CRYBG1: variants seen among roughly 807,000 people sequenced by gnomAD.
CRYBG1 encodes crystallin beta-gamma domain containing 1, also known as beta/gamma crystallin domain-containing protein 1.
Under a neutral mutation model 189.2 loss-of-function variants are expected in CRYBG1, and 139 were observed. That is an observed-to-expected ratio of 0.73 (90% confidence interval 0.64 to 0.85). CRYBG1 has a LOEUF of 0.85. Among genes scored for constraint, CRYBG1 ranks in the 40% least tolerant of loss-of-function variants. The pLI is 0.00. For synonymous variants in CRYBG1, 1,023 were observed against 1,017.1 expected, an observed-to-expected ratio of 1.01 and a Z score of -0.11; for missense variants, 2,611 against 2,675.8, an observed-to-expected ratio of 0.98 and a Z score of 0.53.
intron 2 of CRYBG1, among the ~76,000 whole-genome samples, chr6:106,482,788 C>A (rs2353058): frequency 0.59 from 88,712 of 150,822 alleles, 28,666 homozygotes; most frequent in African/African-American, 0.86. Context: ...AAATAATAAT[C>A]ATAAAAAAGT....
At position 106,512,733 on chromosome 6, in the gene CRYBG1, A is replaced by T. The variant is rs1276180444; in HGVS notation, c.1616A>T (p.Glu539Val). The T allele has an allele frequency of 6.4e-7, 1 of 1,565,390 alleles. No individual in the cohort carries two copies. Among genetic ancestry groups the T allele is most frequent in the Admixed American group, 1.9e-5 (1 of 53,600 alleles). Residue 539 changes from glutamate (E) to valine (V), a missense_variant, in exon 3 of 22, where the codon GAG (glutamate) becomes GTG (valine). Glu to Val is a moderately radical substitution (Grantham distance 121). Around this residue, in one of 3 missense-constraint regions of CRYBG1, gnomAD observed 985 missense variants for 924.4 expected, o/e 1.07. Transcript: ENST00000633556. ...AGCGGCCCCCGGGCTCCCGCCAAGGAGTCCCCACCCAAGAGGGTGCCCGAT... is the reference window on the plus strand; with the variant it reads ...AGCGGCCCCCGGGCTCCCGCCAAGGTGTCCCCACCCAAGAGGGTGCCCGAT... Reference protein sequence around the residue: ...PASGPRAPAKESPPKRVPDPS... With the variant: ...PASGPRAPAKVSPPKRVPDPS...
intron 1 of CRYBG1, among the ~76,000 whole-genome samples, chr6:106,446,130 T>C (rs1313185977): frequency 1.3e-5 from 2 of 152,238 alleles, no homozygotes; most frequent in African/African-American, 4.8e-5. Context: ...CATTATCTGA[T>C]GGTATGTGTC....
In CRYBG1 at chr6:106,464,291, A is replaced by C. The variant is rs551914436; in HGVS notation, c.312+12459A>C. Among the ~76,000 whole-genome samples the C allele has an allele frequency of 3.7e-4, 57 of 152,286 alleles. 2 individuals carry two copies. The South Asian group carries it at 6.8e-3, about 18-fold the overall frequency. On this transcript the variant is annotated intron_variant, in intron 2 of 21. Transcript: ENST00000633556. ...GGGCGGATCACAAGGTCAGGAGTTCAAGACCAGCCTGACCAACATGATGAA... is the reference window on the plus strand; with the variant it reads ...GGGCGGATCACAAGGTCAGGAGTTCCAGACCAGCCTGACCAACATGATGAA...
At chr6:106,373,726 G>A (rs918631923) in intron 1 of CRYBG1, among the ~76,000 whole-genome samples, 2 of 152,270 alleles carry the variant, frequency 1.3e-5, no homozygotes, top group East Asian at 3.9e-4. Flanking sequence ...TACCAGACTG[G>A]AAATTTATAT....
chr6:106,543,864 C>T (rs1774197698), intron 11 of CRYBG1, among the ~76,000 whole-genome samples: 1 of 152,200 alleles, frequency 6.6e-6, no homozygotes, highest in African/African-American at 2.4e-5. Context: ...CCAGCCTGAC[C>T]AACATGGGGA....
At chr6:106,491,879 C>A (rs761369497) in intron 2 of CRYBG1, among the ~76,000 whole-genome samples, 2 of 152,142 alleles carry the variant, frequency 1.3e-5, no homozygotes, top group African/African-American at 2.4e-5. Context: ...TTTCCCCAAA[C>A]GAGATCAATC....
chr6:106,437,225 T>G (rs1255738587), intron 1 of CRYBG1, among the ~76,000 whole-genome samples: 1 of 152,198 alleles, frequency 6.6e-6, no homozygotes, highest in Non-Finnish European at 1.5e-5. Flanking sequence ...AAATGCTTTA[T>G]TTTTTTCATT....
chr6:106,512,160 C>G lies in CRYBG1; in HGVS notation c.1043C>G (p.Ala348Gly). 1 of 1,534,340 alleles carries G rather than the reference C, an allele frequency of 6.5e-7. No individual in the cohort carries two copies. Among genetic ancestry groups the G allele is most frequent in the Non-Finnish European group, 8.7e-7 (1 of 1,145,836 alleles). Residue 348 changes from alanine (A) to glycine (G), a missense_variant, in exon 3 of 22, where the codon GCC (alanine) becomes GGC (glycine). Physicochemically the swap from Ala to Gly is moderately conservative, Grantham distance 60 (BLOSUM62 0). Transcript: ENST00000633556. ...GASDLPGEPP[A>G]EGAAHTASSA... is the part of the protein sequence containing the mutation. ...TCTGATTTGCCAGGTGAGCCTCCGGCCGAGGGCGCAGCGCACACGGCCAGC... is the reference window on the plus strand; with the variant it reads ...TCTGATTTGCCAGGTGAGCCTCCGGGCGAGGGCGCAGCGCACACGGCCAGC...
chr6:106,414,722 G>A (rs966570402), intron 1 of CRYBG1, among the ~76,000 whole-genome samples: 11 of 152,198 alleles, frequency 7.2e-5, no homozygotes, highest in African/African-American at 2.7e-4. Flanking sequence ...GAAGAAATTG[G>A]AGGAGTACAA....
chr6:106,483,378 G>GTGTGTGTATATA (rs1347885031), intron 2 of CRYBG1, among the ~76,000 whole-genome samples: 5 of 113,814 alleles, frequency 4.4e-5, no homozygotes, highest in Admixed American at 4.1e-4. Flanking sequence ...GTGTGTGTGT[G>GTGTGTGTATATA]TATATATATA....
At chr6:106,458,513 AG>A (rs1771935638) in intron 2 of CRYBG1, among the ~76,000 whole-genome samples, 1 of 152,214 alleles carries the variant, frequency 6.6e-6, no homozygotes, top group Non-Finnish European at 1.5e-5. Context: ...TTGTCAGACT[AG>A]GAAGCCCTAA....
intron 2 of CRYBG1, among the ~76,000 whole-genome samples, chr6:106,485,949 C>A (rs185678684): frequency 2.6e-5 from 4 of 152,238 alleles, no homozygotes; most frequent in Admixed American, 2.6e-4. Context: ...GTGTTTTTGT[C>A]TGGTTTTTGA....
chr6:106,476,177 G>C (rs1460585280), intron 2 of CRYBG1, among the ~76,000 whole-genome samples: 1 of 152,140 alleles, frequency 6.6e-6, no homozygotes, highest in Non-Finnish European at 1.5e-5. Flanking sequence ...TCTTAACCTT[G>C]TCCGTACAGA....
intron 1 of CRYBG1, among the ~76,000 whole-genome samples, chr6:106,368,064 A>G (rs187298002): frequency 6.6e-6 from 1 of 152,262 alleles, no homozygotes; most frequent in African/African-American, 2.4e-5. Context: ...AGATATTGAA[A>G]TAGTTTCTAA....
chr6:106,423,694 CCTTTTTTTT>C lies in CRYBG1; in HGVS notation c.174-27999_174-27991del, dbSNP rs1195460495. Among the ~76,000 whole-genome samples, 117 of 101,238 alleles carry C rather than the reference CCTTTTTTTT, an allele frequency of 1.2e-3. 5 individuals are homozygous for C. The highest frequency in any genetic ancestry group is 5.7e-3 in the Middle Eastern group (1 of 174). The allele number at this position is 101,238 out of a possible 152,430, so 66.4% of individuals were successfully genotyped here. A position where few individuals can be genotyped will look rare whatever the true frequency, so the allele number is the denominator to read the frequency against. On this transcript the variant is annotated intron_variant, in intron 1 of 21. Coordinates refer to ENST00000633556, the MANE Select transcript of CRYBG1 (RefSeq NM_001371242.2). ...CCCTCCAGTCCTCAGTTCTCCCTCC[CCTTTTTTTT>C]TTTTTTTTTTTTTTTTTTTTGAGAC...
chr6:106,363,104 C>T (rs1343540730), intron 1 of CRYBG1, among the ~76,000 whole-genome samples: 1 of 150,938 alleles, frequency 6.6e-6, no homozygotes. Flanking sequence ...ATTAGCCGGG[C>T]ATGGTGGCGC....
At chr6:106,528,776 T>A in intron 7 of CRYBG1, among the ~76,000 whole-genome samples, 1 of 152,204 alleles carries the variant, frequency 6.6e-6, no homozygotes, top group Admixed American at 6.5e-5. Flanking sequence ...AGGGTTTAGC[T>A]GAATATCATA....
chr6:106,528,316 A>G (rs1773800352), intron 7 of CRYBG1, among the ~76,000 whole-genome samples: 1 of 152,208 alleles, frequency 6.6e-6, no homozygotes. Context: ...CCCTATTTCA[A>G]AATGTCCTCA....
rs541396593 is a variant in CRYBG1 at position 106,543,093 on chromosome 6, C to T, written c.4882-347C>T. 3.1e-3 allele frequency among the ~76,000 whole-genome samples: 466 copies of T among 150,756 alleles called. 6 individuals carry two copies. The highest frequency in any genetic ancestry group is 0.011 in the African/African-American group (444 of 41,078). Reference sequence around the variant, plus strand: ...TGTCACCCAGGCTGGAGTGCAGTGACGTGATCTCGGCTCACTTAACCCTCT... The same window carrying T: ...TGTCACCCAGGCTGGAGTGCAGTGATGTGATCTCGGCTCACTTAACCCTCT... On this transcript the variant is annotated intron_variant, in intron 10 of 21. Coordinates refer to ENST00000633556, the MANE Select transcript of CRYBG1 (RefSeq NM_001371242.2).
Sources: allele counts gnomAD v4.1 joint callset (sites outside exome capture counted in the v4.1 genomes callset), GRCh38; gene constraint gnomAD v4.1.1; regional missense constraint gnomAD v4.1.1; transcripts MANE v1.5; gene names NCBI Gene and HGNC (gene_info 2026-07-23, HGNC 2026-07-21).